The following ZNF280A variants were observed in gnomAD, a reference collection of about 807,000 sequenced individuals.
ZNF280A encodes zinc finger protein 280A.
ZNF280A carries 26 observed loss-of-function variants against 35.9 expected under a neutral mutation model. The ratio of observed to expected loss-of-function variants is 0.72; its 90% CI spans 0.53 to 1.01. The LOEUF is 1.01. Ranked by LOEUF, ZNF280A falls within the 50% of genes least tolerant of loss-of-function variation. The pLI, the probability that ZNF280A is intolerant of heterozygous loss-of-function variation, is 0.00. For missense variants in ZNF280A, 654 were observed against 652.0 expected (o/e 1.00, Z -0.03); for synonymous variants, 231 against 232.9 (o/e 0.99, Z 0.07).
rs16989015 is a variant in ZNF280A at position 22,514,805 on chromosome 22, G to A, written c.826C>T (p.Leu276Phe). 2,113 of 1,613,924 alleles carry A rather than the reference G, an allele frequency of 1.3e-3. 14 individuals carry two copies. The African/African-American group carries it at 0.023, about 18-fold the overall frequency. Residue 276 changes from leucine (L) to phenylalanine (F), a missense_variant, in exon 2 of 2, where the codon CTT becomes TTT. Transcript: ENST00000302097. ...DPKKENPIVL[L>F]SDFYYGQHKG... ...TGCTGTCCATAGTAAAAGTCGCTAA[G>A]TAACACGATGGGATTTTCTTTCTTG...
chr22:22,515,558 C>T lies in ZNF280A; in HGVS notation c.73G>A (p.Glu25Lys). 6.2e-7 allele frequency: 1 copy of T among 1,612,550 alleles called. No homozygotes were observed. Among genetic ancestry groups the T allele is most frequent in the Non-Finnish European group, 8.5e-7 (1 of 1,179,662 alleles). ...ATCAGATCTGGATCTTCATCATCCT[C>T]CTCCCTTTGTTTGGATTCTCTCAAA... Reference protein sequence around the residue: ...KNLRESKQREEDDEDPDLIYV... With the variant: ...KNLRESKQREKDDEDPDLIYV... The change falls in exon 2 of 2, where the codon GAG (glutamate) becomes AAG (lysine). Residue 25 changes from glutamate (E) to lysine (K), a missense_variant. Glu to Lys is a moderately conservative substitution (Grantham distance 56). Transcript: ENST00000302097.
intron 1 of ZNF280A, among the ~76,000 whole-genome samples, chr22:22,516,606 T>C (rs560784225): frequency 6.6e-6 from 1 of 152,038 alleles, no homozygotes; most frequent in South Asian, 2.1e-4. Context: ...CCTGTTAAAA[T>C]ATACAGGGGA....
Position 22,514,582 on chromosome 22 carries a change from T to C in ZNF280A, c.1049A>G (p.Gln350Arg), listed in dbSNP as rs905891524. The C allele has an allele frequency of 1.2e-6, 2 of 1,613,942 alleles. No homozygotes were observed. Among genetic ancestry groups the C allele is most frequent in the East Asian group, 4.5e-5 (2 of 44,798 alleles). ...HRQFPTPFQLQCHIDSVHIAM... is the reference protein window; with the variant it reads ...HRQFPTPFQLRCHIDSVHIAM... ...GATGTGTACACTATCAATGTGACAC[T>C]GTAGCTGGAAGGGAGTGGGAAACTG... Residue 350 changes from glutamine (Q) to arginine (R), a missense_variant, in exon 2 of 2, where the codon CAG becomes CGG. Coordinates refer to ENST00000302097, the MANE Select transcript of ZNF280A (RefSeq NM_080740.5).
chr22:22,515,515 T>A lies in ZNF280A; in HGVS notation c.116A>T (p.His39Leu). ...GAGAACTTCAGCATCTCTATGTACA[T>A]GCTCCACCCCAACATAGATCAGATC... ...DPDLIYVGVE[H>L]VHRDAEVLFV... The change falls in exon 2 of 2, where the codon CAT becomes CTT. Residue 39 changes from histidine (H) to leucine (L), a missense_variant. Transcript: ENST00000302097. The A allele has an allele frequency of 1.2e-6, 2 of 1,613,912 alleles. No individual in the cohort carries two copies. The highest frequency in any genetic ancestry group is 1.7e-6 in the Non-Finnish European group (2 of 1,179,966).
At chr22:22,519,358 G>A (rs1424306074) in intron 1 of ZNF280A, among the ~76,000 whole-genome samples, 2 of 151,840 alleles carry the variant, frequency 1.3e-5, no homozygotes, top group African/African-American at 2.4e-5. Flanking sequence ...ACTTGAACCC[G>A]GGAGGCGTGG....
chr22:22,516,494 G>A (rs1438720120), intron 1 of ZNF280A, among the ~76,000 whole-genome samples: 2 of 151,694 alleles, frequency 1.3e-5, no homozygotes, highest in African/African-American at 4.8e-5. Flanking sequence ...CACATCTACT[G>A]CCACCTCCCT....
chr22:22,516,549 C>A (rs575269995), intron 1 of ZNF280A, among the ~76,000 whole-genome samples: 91 of 152,040 alleles, frequency 6.0e-4, no homozygotes, highest in African/African-American at 2.1e-3. Flanking sequence ...GCAGAAGTTG[C>A]CAGTCTTAAA....
At chr22:22,515,978 C>T (rs1474862264) in intron 1 of ZNF280A, among the ~76,000 whole-genome samples, 2 of 151,824 alleles carry the variant, frequency 1.3e-5, no homozygotes, top group African/African-American at 2.4e-5. Context: ...CTCTAGATGC[C>T]TCACTCACCT....
intron 1 of ZNF280A, among the ~76,000 whole-genome samples, chr22:22,518,477 A>G (rs362167): frequency 0.48 from 72,961 of 151,010 alleles, 19,247 homozygotes; most frequent in African/African-American, 0.68. Flanking sequence ...TACATTTTTA[A>G]ATTTGGGGGA....
chr22:22,513,859 CA>C lies in ZNF280A; in HGVS notation c.*142del. 1.6e-6 allele frequency: 1 copy of C among 607,328 alleles called. No individual in the cohort carries two copies. The highest frequency in any genetic ancestry group is 2.9e-6 in the Non-Finnish European group (1 of 344,246). The allele number at this position is 607,328 out of a possible 1,614,324, so 37.6% of individuals were successfully genotyped here. On this transcript the variant is annotated 3_prime_UTR_variant, in exon 2 of 2. Coordinates refer to ENST00000302097, the MANE Select transcript of ZNF280A (RefSeq NM_080740.5). ...CAAAGACTTTGGAGCTACTTCTTGA[CA>C]ATAGGGAGCTGATGAGATGTCACTG...
In ZNF280A at chr22:22,518,711, C is replaced by G. The variant is rs185451949; in HGVS notation, c.-72+1378G>C. Among the ~76,000 whole-genome samples, 224 of 148,750 alleles carry G rather than the reference C, an allele frequency of 1.5e-3. 1 individual carries two copies. Among genetic ancestry groups the G allele is most frequent in the South Asian group, 9.7e-3 (46 of 4,718 alleles). On this transcript the variant is annotated intron_variant, in intron 1 of 1. Transcript: ENST00000302097. ...GCTGAGGCAGGAGAATCTCTTGAAC[C>G]TGGGAGGTGGAGGTTGCAGTGAGCG...
rs745480683 is a variant in ZNF280A, at chr22:22,515,376, G to C, written c.255C>G (p.His85Gln). Residue 85 changes from histidine (H) to glutamine (Q), a missense_variant, in exon 2 of 2, where the codon CAC (histidine) becomes CAG (glutamine). Transcript: ENST00000302097. Reference sequence around the variant, plus strand: ...TCACATGATTTGCAGGCTGCGACACGTGAGCAGGATATTGACGGAAGTGGC... The same window carrying C: ...TCACATGATTTGCAGGCTGCGACACCTGAGCAGGATATTGACGGAAGTGGC... ...KKGHFRQYPA[H>Q]VSQPANHVTS... 3 of 1,613,914 alleles carry C rather than the reference G, an allele frequency of 1.9e-6. No homozygotes were observed. The highest frequency in any genetic ancestry group is 2.2e-5 in the South Asian group (2 of 91,068).
intron 1 of ZNF280A, among the ~76,000 whole-genome samples, chr22:22,517,578 AC>A (rs1303834332): frequency 6.6e-6 from 1 of 151,854 alleles, no homozygotes; most frequent in African/African-American, 2.4e-5. Context: ...TAATACCTTC[AC>A]CTTACCACAA....
chr22:22,519,682 T>C (rs79715018), intron 1 of ZNF280A, among the ~76,000 whole-genome samples: 5,796 of 152,000 alleles, frequency 0.038, 183 homozygotes, highest in South Asian at 0.12. Flanking sequence ...TAAGGGTTAA[T>C]TGAACACAAG....
chr22:22,519,626 C>T (rs1006091078), intron 1 of ZNF280A, among the ~76,000 whole-genome samples: 4 of 151,866 alleles, frequency 2.6e-5, no homozygotes, highest in African/African-American at 7.3e-5. Flanking sequence ...ATATTTGAAT[C>T]GCCAGCATTG....
intron 1 of ZNF280A, among the ~76,000 whole-genome samples, chr22:22,517,336 C>T (rs1303683118): frequency 2.0e-5 from 3 of 152,002 alleles, no homozygotes; most frequent in South Asian, 2.1e-4. Context: ...ATTTACTCCT[C>T]AGCTTATAGA....
chr22:22,519,604 C>T (rs905638452), intron 1 of ZNF280A, among the ~76,000 whole-genome samples: 1 of 151,906 alleles, frequency 6.6e-6, no homozygotes, highest in African/African-American at 2.4e-5. Context: ...CACTTTACAG[C>T]TTCTTTTTGG....
In ZNF280A at chr22:22,514,218, G is replaced by T; in HGVS notation, c.1413C>A (p.Thr471=). The change falls in exon 2 of 2, where the codon ACC becomes ACA. Residue 471 remains threonine (T), a synonymous_variant. Transcript: ENST00000302097. ...LTLKEEIEHK[T]KDHQTFKKPE... is the part of the protein sequence containing the mutation. ...GCTTTTTAAATGTTTGATGGTCCTTGGTTTTGTGCTCTATTTCCTCCTTCA... is the reference window on the plus strand; with the variant it reads ...GCTTTTTAAATGTTTGATGGTCCTTTGTTTTGTGCTCTATTTCCTCCTTCA... 6.2e-7 allele frequency: 1 copy of T among 1,613,668 alleles called. No individual in the cohort carries two copies. Among genetic ancestry groups the T allele is most frequent in the Non-Finnish European group, 8.5e-7 (1 of 1,179,922 alleles).
rs778436283 is a variant in ZNF280A at position 22,515,716 on chromosome 22, G to A, written c.-71-15C>T. ...CAAATTGCCACCTAAGTGCAACCAT[G>A]TGACAATAGTCAATATTTATTTCGA... On this transcript the variant is annotated splice_polypyrimidine_tract_variant and intron_variant, in intron 1 of 1. Coordinates refer to ENST00000302097, the MANE Select transcript of ZNF280A (RefSeq NM_080740.5). 2 of 1,504,884 alleles carry A rather than the reference G, an allele frequency of 1.3e-6. No homozygotes were observed. Among genetic ancestry groups the A allele is most frequent in the Non-Finnish European group, 1.8e-6 (2 of 1,132,136 alleles). The allele number at this position is 1,504,884 out of a possible 1,614,324, so 93.2% of individuals were successfully genotyped here. A position where few individuals can be genotyped will look rare whatever the true frequency, so the allele number is the denominator to read the frequency against.
Sources: allele counts gnomAD v4.1 joint callset (sites outside exome capture counted in the v4.1 genomes callset), GRCh38; gene constraint gnomAD v4.1.1; transcripts MANE v1.5; gene names NCBI Gene and HGNC (gene_info 2026-07-23, HGNC 2026-07-21).